The following PKIB variants were observed in gnomAD, a reference collection of about 807,000 sequenced individuals.
PKIB encodes the protein PKI-beta.
Under a neutral mutation model 4.5 loss-of-function variants are expected in PKIB, and 2 were observed. The observed-to-expected ratio is 0.44, with a 90% CI of 0.18 to 1.39. The LOEUF is 1.39. Ranked by LOEUF, PKIB falls within the 40% of genes most tolerant of loss-of-function variation. The probability of loss-of-function intolerance (pLI) is 0.27; values close to 1 mark genes in which losing one functional copy is unlikely to be tolerated. For missense variants in PKIB, 94 were observed against 92.6 expected (o/e 1.02, Z -0.06); for synonymous variants, 38 against 36.0 (o/e 1.06, Z -0.20).
intron 3 of PKIB, among the ~76,000 whole-genome samples, chr6:122,699,120 A>C (rs1156791416): frequency 6.6e-6 from 1 of 152,160 alleles, no homozygotes; most frequent in African/African-American, 2.4e-5. Context: ...GTGCAGTAGC[A>C]AGGCTGCTGA....
At chr6:122,607,341 A>C (rs1314962433), upstream of PKIB, among the ~76,000 whole-genome samples, 1 of 151,720 alleles carries the variant, frequency 6.6e-6, no homozygotes. Context: ...AACAAAACAA[A>C]AAAACAAAAC....
At chr6:122,586,043 G>T (rs575557760) in intron 3 of PKIB, 2 of 152,242 alleles carry the variant, frequency 1.3e-5, no homozygotes, top group Middle Eastern at 6.8e-3. Flanking sequence ...GTTTTGTCAT[G>T]TTTATGTGCC....
intron 2 of PKIB, among the ~76,000 whole-genome samples, chr6:122,573,997 T>C (rs1773452646): frequency 6.6e-6 from 1 of 152,190 alleles, no homozygotes; most frequent in South Asian, 2.1e-4. Context: ...TGTTCACCCA[T>C]GATATGATCA....
chr6:122,565,710 A>G (rs1166854804), intron 2 of PKIB, among the ~76,000 whole-genome samples: 1 of 152,150 alleles, frequency 6.6e-6, no homozygotes, highest in Non-Finnish European at 1.5e-5. Flanking sequence ...AACTTGGCCA[A>G]TTCAACTTTT....
intron 3 of PKIB, among the ~76,000 whole-genome samples, chr6:122,707,524 T>C (rs1779110728): frequency 6.6e-6 from 1 of 152,136 alleles, no homozygotes; most frequent in African/African-American, 2.4e-5. Flanking sequence ...CTATCTATTT[T>C]ATACCCATTT....
chr6:122,702,465 G>A (rs927132701), intron 3 of PKIB, among the ~76,000 whole-genome samples: 1 of 151,214 alleles, frequency 6.6e-6, no homozygotes, highest in African/African-American at 2.4e-5. Context: ...TAGTGTCTGG[G>A]ATACAGGCAC....
At position 122,652,292 on chromosome 6, in the gene PKIB, TTG is replaced by T. The variant is rs66695664; in HGVS notation, c.-76+18966_-76+18967del. Among the ~76,000 whole-genome samples, 332 of 142,030 alleles carry T rather than the reference TTG, an allele frequency of 2.3e-3. 2 individuals carry two copies. Among genetic ancestry groups the T allele is most frequent in the East Asian group, 0.012 (57 of 4,786 alleles). 93.2% of individuals were successfully genotyped at this position (142,030 alleles called of 152,430 possible). A position where few individuals can be genotyped will look rare whatever the true frequency, so the allele number is the denominator to read the frequency against. On this transcript the variant is annotated intron_variant, in intron 2 of 4. Coordinates refer to ENST00000368452, the MANE Select transcript of PKIB (RefSeq NM_181795.3). Reference sequence around the variant, plus strand: ...ATATGTTGTGTGCATATATGTTGGTTTGTGTGTGTGTGTGTGTGTGTGTGTGT... The same window carrying T: ...ATATGTTGTGTGCATATATGTTGGTTTGTGTGTGTGTGTGTGTGTGTGTGT...
chr6:122,495,250 G>T (rs1309282457), intron 2 of PKIB, among the ~76,000 whole-genome samples: 1 of 152,170 alleles, frequency 6.6e-6, no homozygotes, highest in Admixed American at 6.5e-5. Context: ...TGGGAGGGAA[G>T]TGCAAGTGTA....
chr6:122,513,268 G>T (rs1193410613), intron 2 of PKIB, among the ~76,000 whole-genome samples: 1 of 152,120 alleles, frequency 6.6e-6, no homozygotes, highest in East Asian at 1.9e-4. Context: ...GTTTTGACCA[G>T]TGAAATGTGA....
intron 2 of PKIB, among the ~76,000 whole-genome samples, chr6:122,506,150 A>G (rs1376668764): frequency 6.6e-6 from 1 of 152,188 alleles, no homozygotes; most frequent in African/African-American, 2.4e-5. Context: ...CTGGTATCCA[A>G]ACTTTTTTTA....
chr6:122,670,003 C>T (rs1317254496), intron 2 of PKIB, among the ~76,000 whole-genome samples: 2 of 151,228 alleles, frequency 1.3e-5, no homozygotes, highest in Admixed American at 6.6e-5. Flanking sequence ...GTGGCTTAAC[C>T]AGGTTAGGGA....
Position 122,519,031 on chromosome 6 carries a change from C to T in PKIB, c.-248+41092C>T, listed in dbSNP as rs143630827. Among the ~76,000 whole-genome samples the T allele has an allele frequency of 3.1e-4, 47 of 152,078 alleles. No homozygotes were observed. In the East Asian group the frequency reaches 6.6e-3, roughly 21 times the overall value. ...ATGAGCACTTATTGGGTTGGAAGAG[C>T]CAAATTTGGGGGAGATAAGATGTTT... is the stretch of plus-strand genomic sequence containing the variant. On this transcript the variant is annotated intron_variant, in intron 2 of 6. Transcript: ENST00000392491.
chr6:122,557,739 G>A (rs1440382628), intron 2 of PKIB, among the ~76,000 whole-genome samples: 4 of 152,274 alleles, frequency 2.6e-5, no homozygotes, highest in South Asian at 4.1e-4. Context: ...AGAATCACTT[G>A]ATGGGTAGAT....
At chr6:122,493,889 T>TG (rs1465406060) in intron 2 of PKIB, among the ~76,000 whole-genome samples, 1 of 152,150 alleles carries the variant, frequency 6.6e-6, no homozygotes, top group East Asian at 1.9e-4. Flanking sequence ...ATCCTGTTCT[T>TG]GCAGTCATTT....
At chr6:122,538,985 C>T (rs1195769602) in intron 2 of PKIB, among the ~76,000 whole-genome samples, 1 of 151,936 alleles carries the variant, frequency 6.6e-6, no homozygotes, top group Non-Finnish European at 1.5e-5. Flanking sequence ...CTCTGTTTGT[C>T]TGTTATTGGT....
chr6:122,513,561 G>T (rs188229427), intron 2 of PKIB, among the ~76,000 whole-genome samples: 76 of 152,254 alleles, frequency 5.0e-4, no homozygotes, highest in African/African-American at 1.7e-3. Flanking sequence ...TTGGGGTGTA[G>T]ATGTCATCAC....
At chr6:122,510,582 C>G (rs1226943122) in intron 2 of PKIB, among the ~76,000 whole-genome samples, 2 of 152,136 alleles carry the variant, frequency 1.3e-5, no homozygotes, top group Admixed American at 1.3e-4. Context: ...TGTAAGGCTC[C>G]CATTGGTTGA....
Position 122,553,327 on chromosome 6 carries a change from G to A in PKIB, c.-247-32594G>A, listed in dbSNP as rs909945624. On this transcript the variant is annotated intron_variant, in intron 2 of 6. Coordinates refer to the PKIB transcript ENST00000392491. ...GCCATTAAAAGTAATGACCAAAACCGCAAATTACTTTTGCACCAACCGAAT... is the reference window on the plus strand; with the variant it reads ...GCCATTAAAAGTAATGACCAAAACCACAAATTACTTTTGCACCAACCGAAT... Among the ~76,000 whole-genome samples, 5 of 152,052 alleles carry A rather than the reference G, an allele frequency of 3.3e-5. No homozygotes were observed. In the East Asian group the frequency reaches 7.7e-4, roughly 24 times the overall value.
At chr6:122,495,309 C>G (rs928654829) in intron 2 of PKIB, among the ~76,000 whole-genome samples, 1 of 152,080 alleles carries the variant, frequency 6.6e-6, no homozygotes, top group African/African-American at 2.4e-5. Flanking sequence ...GTCCTGCCTT[C>G]CTCGGTGGAA....
Sources: gnomAD v4.1 joint callset for allele counts (sites outside exome capture counted in the v4.1 genomes callset) on GRCh38, gnomAD v4.1.1 for gene constraint, MANE v1.5 for transcripts, NCBI Gene and HGNC (gene_info 2026-07-23, HGNC 2026-07-21) for gene names.